The following LTA4H variants were observed in gnomAD, a reference collection of about 807,000 sequenced individuals.
LTA4H encodes leukotriene A-4 hydrolase.
A neutral mutation model predicts 89.8 loss-of-function variants in LTA4H; 59 were observed. The observed-to-expected ratio is 0.66, with a 90% CI of 0.53 to 0.82. The LOEUF (loss-of-function observed/expected upper bound fraction) is 0.82. Among genes scored for constraint, LTA4H ranks in the 40% least tolerant of loss-of-function variants. LTA4H has a pLI of 0.00. For synonymous variants in LTA4H, 227 were observed against 253.1 expected, an observed-to-expected ratio of 0.90 and a Z score of 0.98; for missense variants, 617 against 727.0, an observed-to-expected ratio of 0.85 and a Z score of 1.74.
intron 10 of LTA4H, among the ~76,000 whole-genome samples, chr12:96,016,493 C>T (rs1051266684): frequency 6.6e-6 from 1 of 151,354 alleles, no homozygotes; most frequent in Non-Finnish European, 1.5e-5. Flanking sequence ...CGCCTTTAGT[C>T]TCAGCCACTT....
chr12:96,023,022 C>T lies in LTA4H; in HGVS notation c.481-771G>A, dbSNP rs775071057. On this transcript the variant is annotated intron_variant, in intron 4 of 18. Coordinates refer to ENST00000228740, the MANE Select transcript of LTA4H (RefSeq NM_000895.3). ...AATCCATACGGAAAAGACCCTTATG[C>T]GGCAAACCATATAGTCATTTAACTG... Among the ~76,000 whole-genome samples the T allele has an allele frequency of 3.3e-5, 5 of 152,260 alleles. No individual in the cohort carries two copies. The South Asian group carries it at 6.2e-4, about 19-fold the overall frequency.
At chr12:96,027,266 T>C (rs1358973037) in intron 3 of LTA4H, 178 bp downstream of exon 3, 1 of 465,982 alleles carries the variant, frequency 2.1e-6, no homozygotes, top group African/African-American at 2.0e-5. Context: ...CATGAGTGTA[T>C]TAATAGTGAA....
upstream of LTA4H, among the ~76,000 whole-genome samples, chr12:96,037,128 G>C (rs1950655094): frequency 6.6e-6 from 1 of 152,220 alleles, no homozygotes; most frequent in Admixed American, 6.5e-5. Flanking sequence ...AAATCAGACA[G>C]ATTTAAGGGG....
chr12:96,005,451 A>T (rs1950182905), intron 16 of LTA4H, among the ~76,000 whole-genome samples: 1 of 152,134 alleles, frequency 6.6e-6, no homozygotes, highest in Non-Finnish European at 1.5e-5. Context: ...TCAGTGTAAG[A>T]TCTAAAATTT....
At chr12:96,012,068 C>T (rs1256636031) in intron 14 of LTA4H, 1 of 152,266 alleles carries the variant, frequency 6.6e-6, no homozygotes, top group East Asian at 1.9e-4. Context: ...CCCACCACAG[C>T]CTATGATAAC....
Position 96,035,420 on chromosome 12 carries a change from T to A in LTA4H, c.100A>T (p.Thr34Ser). The A allele has an allele frequency of 6.2e-7, 1 of 1,611,096 alleles. No individual in the cohort carries two copies. Among genetic ancestry groups the A allele is most frequent in the Non-Finnish European group, 8.5e-7 (1 of 1,178,814 alleles). ...LRCSVDFTRR[T>S]LTGTAALTVQ... is the part of the protein sequence containing the mutation. ...GTGAGAGCAGCAGTCCCGGTCAGCG[T>A]CCGGCGAGTAAAGTCGACGCTGCAG... Residue 34 changes from threonine to serine, a missense_variant, in exon 1 of 19, where the codon ACG (threonine) becomes TCG (serine). Coordinates refer to ENST00000228740, the MANE Select transcript of LTA4H (RefSeq NM_000895.3).
upstream of LTA4H, among the ~76,000 whole-genome samples, chr12:96,037,623 C>A (rs1229036741): frequency 2.7e-5 from 4 of 150,304 alleles, no homozygotes; most frequent in African/African-American, 9.8e-5. Context: ...AAACCACTGT[C>A]AAGTTGCTTG....
intron 14 of LTA4H, chr12:96,010,480 T>G (rs1950282650): frequency 6.6e-6 from 1 of 152,146 alleles, no homozygotes; most frequent in South Asian, 2.1e-4. Flanking sequence ...CAAGAGGAAG[T>G]GGTTCTTGAG....
chr12:96,024,106 T>C (rs1379756193), intron 4 of LTA4H, among the ~76,000 whole-genome samples: 1 of 151,548 alleles, frequency 6.6e-6, no homozygotes, highest in East Asian at 1.9e-4. Context: ...ATTTTTTGTG[T>C]TTTTTTTAGT....
intron 6 of LTA4H, chr12:96,020,799 G>T: frequency 3.6e-6 from 1 of 281,018 alleles, no homozygotes; most frequent in Non-Finnish European, 6.7e-6. Flanking sequence ...TCAAGGATAA[G>T]GAAACAGAGA....
chr12:96,002,503 C>T (rs1950120540), intron 18 of LTA4H, among the ~76,000 whole-genome samples: 1 of 152,114 alleles, frequency 6.6e-6, no homozygotes, highest in Non-Finnish European at 1.5e-5. Flanking sequence ...TGTCAAGATA[C>T]AACTTATCCC....
chr12:96,005,968 G>A (rs1373101525), intron 16 of LTA4H, among the ~76,000 whole-genome samples: 1 of 151,860 alleles, frequency 6.6e-6, no homozygotes, highest in Non-Finnish European at 1.5e-5. Context: ...GGCTGGTCTC[G>A]AACTCCTGAC....
At chr12:96,013,874 A>G (rs1341594283) in intron 12 of LTA4H, 21 bp from the exon 13 acceptor site, 1 of 1,059,964 alleles carries the variant, frequency 9.4e-7, no homozygotes, top group Admixed American at 2.2e-5. Flanking sequence ...AAAAGAAAAG[A>G]AATCAATTCA....
At chr12:96,031,538 T>C (rs952205717) in intron 1 of LTA4H, among the ~76,000 whole-genome samples, 3 of 152,228 alleles carry the variant, frequency 2.0e-5, no homozygotes, top group Non-Finnish European at 4.4e-5. Flanking sequence ...CATCAACAGC[T>C]CTACTAATTA....
chr12:96,026,435 T>C (rs763874), intron 3 of LTA4H, among the ~76,000 whole-genome samples: 45,447 of 152,096 alleles, frequency 0.3, 7,061 homozygotes, highest in South Asian at 0.35. Context: ...TCATGACTCA[T>C]AAATCTTGCA....
chr12:96,030,036 A>T (rs1178212480), intron 1 of LTA4H, among the ~76,000 whole-genome samples: 4 of 151,808 alleles, frequency 2.6e-5, no homozygotes, highest in Non-Finnish European at 5.9e-5. Flanking sequence ...CCCTTCTTCC[A>T]TCTGGCTTCT....
chr12:96,035,675 C>A (rs1445655996), upstream of LTA4H: 16 of 1,421,052 alleles, frequency 1.1e-5, no homozygotes, highest in Non-Finnish European at 1.5e-5. Context: ...GTCAGACGAG[C>A]GTTGGGGGAT....
chr12:96,017,161 AAAAT>A (rs771026098), intron 9 of LTA4H, 47 bp from the exon 10 acceptor site: 1 of 1,275,804 alleles, frequency 7.8e-7, no homozygotes, highest in East Asian at 2.3e-5. Flanking sequence ...ATCTTAACCT[AAAAT>A]AACCCATTCT....
intron 2 of LTA4H, 53 bp from the exon 3 acceptor site, chr12:96,027,617 T>A: frequency 8.5e-7 from 1 of 1,181,412 alleles, no homozygotes; most frequent in Non-Finnish European, 1.2e-6. Context: ...CTAGTGAAAA[T>A]TTAAACTCAT....
Sources: gnomAD v4.1 joint callset for allele counts (sites outside exome capture counted in the v4.1 genomes callset) on GRCh38, gnomAD v4.1.1 for gene constraint, MANE v1.5 for transcripts, NCBI Gene and HGNC (gene_info 2026-07-23, HGNC 2026-07-21) for gene names.